The following BTD variants were observed in gnomAD, a reference collection of about 807,000 sequenced individuals.
The protein encoded by BTD is biocytinase.
BTD carries 13 observed loss-of-function variants against 17.7 expected under a neutral mutation model. The observed-to-expected ratio is 0.74, with a 90% CI of 0.48 to 1.17. BTD has a LOEUF of 1.17. Among genes scored for constraint, BTD ranks in the 50% most tolerant of loss-of-function variants. The pLI is 0.00. For missense variants in BTD, 674 were observed against 650.4 expected, an observed-to-expected ratio of 1.04 and a Z score of -0.39; for synonymous variants, 240 against 245.2, an observed-to-expected ratio of 0.98 and a Z score of 0.20.
chr3:15,697,551 G>A (rs1396587880), intron 3 of BTD, among the ~76,000 whole-genome samples: 3 of 151,852 alleles, frequency 2.0e-5, no homozygotes, highest in East Asian at 1.9e-4. Flanking sequence ...GATGGATTAC[G>A]TGTATTGATT....
At chr3:15,604,615 G>T (rs965527702) in intron 1 of BTD, among the ~76,000 whole-genome samples, 1 of 152,198 alleles carries the variant, frequency 6.6e-6, no homozygotes, top group Non-Finnish European at 1.5e-5. Flanking sequence ...TAGAAAATGG[G>T]TTTTTATTTT....
chr3:15,706,732 C>T (rs2071486569), intron 3 of BTD, among the ~76,000 whole-genome samples: 2 of 152,172 alleles, frequency 1.3e-5, no homozygotes, highest in Admixed American at 6.5e-5. Flanking sequence ...CCTATTTCTC[C>T]ACATCCTCTC....
At chr3:15,711,529 G>C (rs1040495444) in exon 4 of BTD, among the ~76,000 whole-genome samples, 1 of 152,200 alleles carries the variant, frequency 6.6e-6, no homozygotes, top group Admixed American at 6.5e-5. Flanking sequence ...GCCAGTCACA[G>C]AAGATCACAT....
Position 15,695,304 on chromosome 3 carries a change from C to T in BTD, c.400-14756C>T, listed in dbSNP as rs189347699. 6.7e-4 allele frequency: 644 copies of T among 961,492 alleles called. 2 individuals are homozygous for T. In the African/African-American group the frequency reaches 9.6e-3, roughly 14 times the overall value. The allele number at this position is 961,492 out of a possible 1,614,324, so 59.6% of individuals were successfully genotyped here. ...TTATATAGAGCTTTGCTAACTTTTA[C>T]CCTAAACCCGTGCTTCCTTTGGCTC... On this transcript the variant is annotated intron_variant, in intron 3 of 3. Coordinates refer to the BTD transcript ENST00000672141.
At chr3:15,662,973 A>G (rs2065940521) in intron 3 of BTD, among the ~76,000 whole-genome samples, 2 of 150,614 alleles carry the variant, frequency 1.3e-5, no homozygotes, top group African/African-American at 4.9e-5. Context: ...TGATTTGCTG[A>G]GAATTACTGC....
chr3:15,629,825 C>T (rs1406528675), intron 1 of BTD, among the ~76,000 whole-genome samples: 1 of 152,166 alleles, frequency 6.6e-6, no homozygotes, highest in Non-Finnish European at 1.5e-5. Context: ...CTCCCAGTCT[C>T]ATTATCATTA....
At chr3:15,605,280 A>C (rs2064413108) in intron 1 of BTD, among the ~76,000 whole-genome samples, 1 of 152,372 alleles carries the variant, frequency 6.6e-6, no homozygotes, top group South Asian at 2.1e-4. Flanking sequence ...ACATGGCGAC[A>C]GGCAAGAGAG....
At chr3:15,693,447 T>A (rs1395148720) in intron 3 of BTD, among the ~76,000 whole-genome samples, 2 of 151,982 alleles carry the variant, frequency 1.3e-5, no homozygotes. Flanking sequence ...AAATGAGAAT[T>A]TCTAAGGAAA....
rs34083448 is a variant in BTD, at chr3:15,662,853, G to GTTTT, written c.399+20811_399+20814dup. Among the ~76,000 whole-genome samples the GTTTT allele has an allele frequency of 4.0e-5, 5 of 126,556 alleles. No homozygotes were observed. The Admixed American group carries it at 4.1e-4, about 10-fold the overall frequency. 83.0% of individuals were successfully genotyped at this position (126,556 alleles called of 152,430 possible). A position where few individuals can be genotyped will look rare whatever the true frequency, so the allele number is the denominator to read the frequency against. On this transcript the variant is annotated intron_variant, in intron 3 of 3. Coordinates refer to the BTD transcript ENST00000672141. The stretch of plus-strand genomic sequence containing the variant: ...TTTCATCATCTTGCCCAGGCTGGAG[G>GTTTT]TTTTTTTTTTTTTTTTTTAATAGAT...
At chr3:15,720,881 T>C (rs1335185324) in intron 4 of BTD, 3 of 1,588,562 alleles carry the variant, frequency 1.9e-6, no homozygotes, top group South Asian at 1.1e-5. Flanking sequence ...CAGTGACATA[T>C]GAAATACTTA....
Position 15,635,651 on chromosome 3 carries a change from A to G in BTD, c.212A>G (p.Asp71Gly), listed in dbSNP as rs1490895063. Residue 71 changes from aspartate to glycine, a missense_variant, in exon 2 of 4, where the codon GAC becomes GGC. Transcript: ENST00000643237. This position sits in a 1 kb window ranked among gnomAD's most constrained non-coding sequence, Gnocchi z 4.1. ...EALELMNQNL[D>G]IYEQQVMTAA... ...TTGGAGCTCATGAACCAGAACCTTG[A>G]CATCTATGAACAGCAAGTGATGACT... The G allele has an allele frequency of 1.9e-6, 3 of 1,614,226 alleles. No individual in the cohort carries two copies. The highest frequency in any genetic ancestry group is 2.5e-6 in the Non-Finnish European group (3 of 1,180,042).
At chr3:15,613,758 G>T (rs1451545106) in intron 1 of BTD, among the ~76,000 whole-genome samples, 4 of 151,966 alleles carry the variant, frequency 2.6e-5, no homozygotes, top group African/African-American at 9.7e-5. Flanking sequence ...ACTCATTTTT[G>T]AGTGAGTTTT....
chr3:15,713,602 G>A, downstream of BTD: 1 of 1,610,116 alleles, frequency 6.2e-7, no homozygotes, highest in Non-Finnish European at 8.5e-7. Flanking sequence ...TATGTGCAAA[G>A]GGGTATTTCC....
intron 1 of BTD, among the ~76,000 whole-genome samples, chr3:15,616,237 A>C (rs2064786453): frequency 6.6e-6 from 1 of 152,218 alleles, no homozygotes. Context: ...TGTCTTCCAA[A>C]GTGGTTGGAT....
downstream of BTD, chr3:15,714,611 T>C (rs1381050284): frequency 1.3e-6 from 2 of 1,597,204 alleles, no homozygotes. Flanking sequence ...CGGGAGAATC[T>C]ACCGTGGAGA....
chr3:15,710,066 A>G (rs2072031075), exon 4 of BTD, among the ~76,000 whole-genome samples: 1 of 149,196 alleles, frequency 6.7e-6, no homozygotes, highest in East Asian at 2.0e-4. Context: ...ACAGAGCCTC[A>G]CTCTATAGTT....
intron 3 of BTD, among the ~76,000 whole-genome samples, chr3:15,643,160 A>C (rs2065582186): frequency 6.6e-6 from 1 of 152,218 alleles, no homozygotes; most frequent in Non-Finnish European, 1.5e-5. Flanking sequence ...CCCCAGTCAT[A>C]CAGTATGAGT....
At chr3:15,709,389 A>C (rs1398048505) in intron 3 of BTD, among the ~76,000 whole-genome samples, 1 of 152,088 alleles carries the variant, frequency 6.6e-6, no homozygotes, top group Non-Finnish European at 1.5e-5. Flanking sequence ...ACATTTCCAT[A>C]GTCATAATTT....
chr3:15,630,120 GGTGA>G, intron 1 of BTD: 1 of 982,734 alleles, frequency 1.0e-6, no homozygotes, highest in Non-Finnish European at 1.2e-6. Context: ...GTGGGAGTGT[GGTGA>G]GTAAAAAACA....
Sources: gnomAD v4.1 joint callset for allele counts (sites outside exome capture counted in the v4.1 genomes callset) on GRCh38, gnomAD v4.1.1 for gene constraint, Gnocchi (gnomAD v3.1) non-coding constraint, MANE v1.5 for transcripts, NCBI Gene and HGNC (gene_info 2026-07-23, HGNC 2026-07-21) for gene names.